PECAM1: variants seen among roughly 807,000 people sequenced by gnomAD.
PECAM1 encodes platelet and endothelial cell adhesion molecule 1.
A neutral mutation model predicts 13.8 loss-of-function variants in PECAM1; 8 were observed. The observed-to-expected ratio is 0.58, with a 90% CI of 0.34 to 1.05. PECAM1 has a LOEUF of 1.05. Ranked by LOEUF, PECAM1 falls within the 50% of genes least tolerant of loss-of-function variation. The pLI, the probability that PECAM1 is intolerant of heterozygous loss-of-function variation, is 0.03. For synonymous variants in PECAM1, 136 were observed against 52.6 expected, an observed-to-expected ratio of 2.58 and a Z score of -6.86; for missense variants, 304 against 141.2, an observed-to-expected ratio of 2.15 and a Z score of -5.84.
chr17:64,387,947 A>G (rs2036634068), intron 2 of PECAM1, among the ~76,000 whole-genome samples: 1 of 152,104 alleles, frequency 6.6e-6, no homozygotes, highest in Admixed American at 6.5e-5. Flanking sequence ...GGGCCTAAGG[A>G]ATGGAGACCT....
intron 13 of PECAM1, among the ~76,000 whole-genome samples, chr17:64,345,008 A>G (rs912270920): frequency 1.3e-5 from 2 of 152,152 alleles, no homozygotes; most frequent in Non-Finnish European, 2.9e-5. Context: ...GAGGGTCTCG[A>G]TACCTCCTTA....
At chr17:64,337,516 A>G (rs1379498740) in intron 14 of PECAM1, among the ~76,000 whole-genome samples, 2 of 152,196 alleles carry the variant, frequency 1.3e-5, no homozygotes, top group African/African-American at 4.8e-5. Context: ...ATTTGCATTT[A>G]ACAGTTGAAG....
chr17:64,364,444 A>G (rs770256128), intron 5 of PECAM1, among the ~76,000 whole-genome samples: 112 of 152,322 alleles, frequency 7.4e-4, no homozygotes, highest in Non-Finnish European at 1.4e-3. Flanking sequence ...AGTCAATAGA[A>G]AAAGAGGGAA....
chr17:64,387,148 G>T (rs1180251888), intron 2 of PECAM1, among the ~76,000 whole-genome samples: 2 of 152,172 alleles, frequency 1.3e-5, no homozygotes, highest in Admixed American at 1.3e-4. Context: ...AAAGGTCAAG[G>T]AGCGAGGCTT....
chr17:64,330,132 C>T (rs549704635), intron 14 of PECAM1, among the ~76,000 whole-genome samples: 1 of 152,140 alleles, frequency 6.6e-6, no homozygotes, highest in South Asian at 2.1e-4. Context: ...TCTCCTGCCT[C>T]AGCCTCCCAA....
intron 15 of PECAM1, among the ~76,000 whole-genome samples, chr17:64,325,564 C>T (rs1490360203): frequency 6.6e-6 from 1 of 152,046 alleles, no homozygotes; most frequent in African/African-American, 2.4e-5. Context: ...GGCGAAGCCC[C>T]ATCTCTATCA....
intron 2 of PECAM1, among the ~76,000 whole-genome samples, chr17:64,385,088 T>C (rs1421039366): frequency 1.3e-5 from 2 of 152,200 alleles, no homozygotes; most frequent in Non-Finnish European, 2.9e-5. Flanking sequence ...GTGCTTTTTC[T>C]GGAGAGAAGG....
At chr17:64,363,077 G>A (rs1168203410) in intron 6 of PECAM1, 72 bp downstream of exon 6, 7 of 473,138 alleles carry the variant, frequency 1.5e-5, no homozygotes, top group African/African-American at 2.0e-5. Flanking sequence ...CGGAGAGGGC[G>A]GCAGCTGCAG....
chr17:64,354,157 G>A (rs1023418641), intron 9 of PECAM1, among the ~76,000 whole-genome samples: 11 of 152,066 alleles, frequency 7.2e-5, no homozygotes, highest in African/African-American at 2.7e-4. Flanking sequence ...GTCCCGGCTA[G>A]TCTTGAACTC....
In PECAM1 at chr17:64,375,147, C is replaced by T. The variant is rs998224476; in HGVS notation, c.595G>A (p.Asp199Asn). The T allele has an allele frequency of 2.1e-6, 1 of 475,282 alleles. No individual in the cohort carries two copies. The highest frequency in any genetic ancestry group is 3.9e-6 in the Non-Finnish European group (1 of 259,060). 29.4% of individuals were successfully genotyped at this position (475,282 alleles called of 1,614,324 possible). Reference protein sequence around the residue: ...VILEFPVEEQDRVLSFRCQAR... With the variant: ...VILEFPVEEQNRVLSFRCQAR... ...TGACATCGGAAGGATAAAACGCGGT[C>T]CTGTTCCTCAACGGGGAATTCCAGT... Residue 199 changes from aspartate (D) to asparagine (N), a missense_variant, in exon 4 of 16, where the codon GAC becomes AAC. Asp to Asn is a conservative substitution (Grantham distance 23). Transcript: ENST00000563924.
intron 11 of PECAM1, among the ~76,000 whole-genome samples, chr17:64,350,995 G>A (rs2035709402): frequency 6.6e-6 from 1 of 152,158 alleles, no homozygotes; most frequent in African/African-American, 2.4e-5. Flanking sequence ...TCCTGCCTCA[G>A]CCTGCTGAGT....
intron 7 of PECAM1, among the ~76,000 whole-genome samples, chr17:64,357,281 TTC>T (rs2143798307): frequency 6.6e-6 from 1 of 152,300 alleles, no homozygotes; most frequent in Non-Finnish European, 1.5e-5. Flanking sequence ...CACGCTGAGC[TTC>T]TGTCTCTGAG....
At chr17:64,352,954 TA>T (rs2035761857) in intron 10 of PECAM1, among the ~76,000 whole-genome samples, 2 of 152,034 alleles carry the variant, frequency 1.3e-5, no homozygotes, top group Admixed American at 1.3e-4. Flanking sequence ...TTGGCGGTGA[TA>T]AAACTTTTTC....
In PECAM1 at chr17:64,349,655, G is replaced by C. The variant is rs1307973705; in HGVS notation, c.2044+725C>G. Among the ~76,000 whole-genome samples the C allele has an allele frequency of 4.9e-4, 73 of 149,388 alleles. 4 individuals carry two copies. Among genetic ancestry groups the C allele is most frequent in the Non-Finnish European group, 3.0e-5 (2 of 67,634 alleles). On this transcript the variant is annotated intron_variant, in intron 12 of 15. Transcript: ENST00000563924. ...TAATTCTAGCATTTTGGGAGGCCAA[G>C]GTGGGCAGATAACAAGGTCAGGAGT...
chr17:64,360,061 T>C (rs1193814373), intron 7 of PECAM1, 79 bp downstream of exon 7: 1 of 474,964 alleles, frequency 2.1e-6, no homozygotes, highest in Non-Finnish European at 3.9e-6. Context: ...CCCCTACTTC[T>C]CTTATTGTTC....
chr17:64,342,492 T>C (rs2035459265), intron 13 of PECAM1, among the ~76,000 whole-genome samples: 1 of 152,180 alleles, frequency 6.6e-6, no homozygotes, highest in African/African-American at 2.4e-5. Context: ...TCAGTGACCC[T>C]AGGAATAGCT....
intron 14 of PECAM1, among the ~76,000 whole-genome samples, chr17:64,334,760 G>A (rs2035226740): frequency 6.6e-6 from 1 of 152,054 alleles, no homozygotes; most frequent in African/African-American, 2.4e-5. Context: ...GCCCGCCTTA[G>A]CCTCCCAAAT....
intron 14 of PECAM1, among the ~76,000 whole-genome samples, chr17:64,336,154 T>C (rs2035269676): frequency 6.6e-6 from 1 of 151,830 alleles, no homozygotes; most frequent in South Asian, 2.1e-4. Flanking sequence ...TGGTCCCAGC[T>C]ACTCAGGAGG....
intron 11 of PECAM1, 27 bp from the exon 12 acceptor site, chr17:64,350,460 A>C (rs1051320574): frequency 4.7e-6 from 2 of 422,790 alleles, no homozygotes; most frequent in Non-Finnish European, 8.7e-6. Flanking sequence ...AATTAGGGTG[A>C]GTGACAAGGG....
Sources: gnomAD v4.1 joint callset for allele counts (sites outside exome capture counted in the v4.1 genomes callset) on GRCh38, gnomAD v4.1.1 for gene constraint, MANE v1.5 for transcripts, NCBI Gene and HGNC (gene_info 2026-07-23, HGNC 2026-07-21) for gene names.